Variants in TRIM24 observed in about 807,000 individuals in gnomAD.
TRIM24 encodes transcription intermediary factor 1-alpha.
Under a neutral mutation model 123.9 loss-of-function variants are expected in TRIM24, and 29 were observed. That is an observed-to-expected ratio of 0.23 (90% CI 0.17 to 0.32). The LOEUF is 0.32. Among genes scored for constraint, TRIM24 ranks in the 10% least tolerant of loss-of-function variants. TRIM24 has a pLI of 1.00. For synonymous variants in TRIM24, 456 were observed against 461.1 expected (o/e 0.99, Z 0.14); for missense variants, 932 against 1,295.3 (o/e 0.72, Z 4.31).
intron 1 of TRIM24, among the ~76,000 whole-genome samples, chr7:138,461,781 C>G (rs1794980200): frequency 6.6e-6 from 1 of 152,120 alleles, no homozygotes; most frequent in Admixed American, 6.5e-5. Flanking sequence ...AATATTTGAG[C>G]ACCTCCTTTT....
chr7:138,531,155 AG>A (rs1796723822), intron 6 of TRIM24, among the ~76,000 whole-genome samples: 1 of 147,736 alleles, frequency 6.8e-6, no homozygotes. Context: ...TTTAAGTTCT[AG>A]GGTACATGTG....
chr7:138,580,207 A>G (rs1797863799), intron 15 of TRIM24, among the ~76,000 whole-genome samples: 1 of 152,224 alleles, frequency 6.6e-6, no homozygotes, highest in African/African-American at 2.4e-5. Flanking sequence ...AGTAACAAGA[A>G]TAGTACAAAG....
At position 138,529,233 on chromosome 7, in the gene TRIM24, A is replaced by G; in HGVS notation, c.996+3A>G. ...AAGCTCTACTGCATCAGTTAGAGGTAAGTGACTGCCCATGGGATAGTATAT... is the reference window on the plus strand; with the variant it reads ...AAGCTCTACTGCATCAGTTAGAGGTGAGTGACTGCCCATGGGATAGTATAT... On this transcript the variant is annotated splice_donor_region_variant and intron_variant, in intron 6 of 18. Coordinates refer to ENST00000343526, the MANE Select transcript of TRIM24 (RefSeq NM_015905.3). 2 of 1,437,882 alleles carry G rather than the reference A, an allele frequency of 1.4e-6. No homozygotes were observed. The highest frequency in any genetic ancestry group is 2.3e-5 in the Admixed American group (1 of 44,220). The allele number at this position is 1,437,882 out of a possible 1,614,324, so 89.1% of individuals were successfully genotyped here.
At chr7:138,475,058 T>C (rs191433090) in intron 1 of TRIM24, among the ~76,000 whole-genome samples, 1 of 152,340 alleles carries the variant, frequency 6.6e-6, no homozygotes, top group Non-Finnish European at 1.5e-5. Flanking sequence ...TGTTAGAGAA[T>C]TAAGTTTCAG....
chr7:138,546,926 C>T (rs1225619904), intron 7 of TRIM24, among the ~76,000 whole-genome samples: 2 of 152,148 alleles, frequency 1.3e-5, no homozygotes, highest in African/African-American at 4.8e-5. Context: ...AGCAATCTCA[C>T]TTTTGGGTAT....
intron 6 of TRIM24, 127 bp from the exon 7 acceptor site, chr7:138,538,530 G>T: frequency 9.4e-7 from 1 of 1,067,286 alleles, no homozygotes; most frequent in Non-Finnish European, 1.3e-6. Flanking sequence ...GGAAAACAGA[G>T]TATTTTTAGT....
chr7:138,514,915 T>G, intron 2 of TRIM24: 1 of 244,132 alleles, frequency 4.1e-6, no homozygotes, highest in Non-Finnish European at 8.1e-6. Flanking sequence ...GCAGCGACCA[T>G]GTTTGCTTTT....
intron 1 of TRIM24, among the ~76,000 whole-genome samples, chr7:138,495,005 A>G (rs377075074): frequency 1.3e-5 from 2 of 152,224 alleles, no homozygotes; most frequent in East Asian, 1.9e-4. Flanking sequence ...TTATGGAGTG[A>G]TCACCAGGAT....
intron 1 of TRIM24, among the ~76,000 whole-genome samples, chr7:138,467,175 A>C (rs1324872773): frequency 6.6e-6 from 1 of 152,158 alleles, no homozygotes; most frequent in Non-Finnish European, 1.5e-5. Context: ...GAAATTTGAC[A>C]GTTTGTTCTT....
chr7:138,492,308 A>G (rs1248747821), intron 1 of TRIM24, among the ~76,000 whole-genome samples: 1 of 151,670 alleles, frequency 6.6e-6, no homozygotes, highest in African/African-American at 2.4e-5. Context: ...AGGGAAAGAA[A>G]ATAAATGTCT....
chr7:138,578,844 G>A (rs551794337), intron 14 of TRIM24, among the ~76,000 whole-genome samples: 26 of 151,880 alleles, frequency 1.7e-4, no homozygotes, highest in African/African-American at 6.3e-4. Flanking sequence ...CACCATCCTG[G>A]GCTTCAACAG....
At chr7:138,529,308 C>A in intron 6 of TRIM24, 78 bp downstream of exon 6, 1 of 719,622 alleles carries the variant, frequency 1.4e-6, no homozygotes, top group Non-Finnish European at 2.1e-6. Context: ...AATCATAGTG[C>A]TTTTTATATA....
chr7:138,489,965 C>G (rs565047031), intron 1 of TRIM24, among the ~76,000 whole-genome samples: 1 of 152,344 alleles, frequency 6.6e-6, no homozygotes, highest in Non-Finnish European at 1.5e-5. Flanking sequence ...TGGTTCCATT[C>G]TCCCCATCAC....
At position 138,586,769 on chromosome 7, in the gene TRIM24, A is replaced by G. The variant is rs1326331936; in HGVS notation, c.*1818A>G. 6.6e-6 allele frequency: 1 copy of G among 152,178 alleles called. No individual in the cohort carries two copies. The highest frequency in any genetic ancestry group is 1.5e-5 in the Non-Finnish European group (1 of 68,020). 9.4% of individuals were successfully genotyped at this position (152,178 alleles called of 1,614,324 possible). A position where few individuals can be genotyped will look rare whatever the true frequency, so the allele number is the denominator to read the frequency against. ...TTTTGCTGATAATTTTATTGTTGGT[A>G]TCTTAGAATACTGTTCGTCTGACAG... On this transcript the variant is annotated 3_prime_UTR_variant, in exon 19 of 19. Transcript: ENST00000343526.
At chr7:138,508,692 T>TGTGTGTGTGTGTGCGCGCGCGCGC (rs1422176564) in intron 2 of TRIM24, among the ~76,000 whole-genome samples, 3 of 137,214 alleles carry the variant, frequency 2.2e-5, no homozygotes, top group African/African-American at 8.3e-5. Context: ...TGTGTGTGTG[T>TGTGTGTGTGTGTGCGCGCGCGCGC]GCGCGCGCGT....
chr7:138,553,317 A>G (rs1313116871), intron 8 of TRIM24, among the ~76,000 whole-genome samples: 2 of 152,162 alleles, frequency 1.3e-5, no homozygotes, highest in Non-Finnish European at 2.9e-5. Flanking sequence ...ATATTTTGTT[A>G]CTGTCTTGAG....
intron 1 of TRIM24, among the ~76,000 whole-genome samples, chr7:138,468,200 A>T (rs1795193350): frequency 6.6e-6 from 1 of 152,196 alleles, no homozygotes; most frequent in African/African-American, 2.4e-5. Flanking sequence ...GAGAATTTTT[A>T]TTATGAATGG....
At chr7:138,532,944 G>T (rs1796779971) in intron 6 of TRIM24, among the ~76,000 whole-genome samples, 1 of 152,158 alleles carries the variant, frequency 6.6e-6, no homozygotes, top group Non-Finnish European at 1.5e-5. Context: ...TTGTAAGTGG[G>T]ATTCCTAGGT....
chr7:138,578,299 A>G (rs112297144), intron 14 of TRIM24, among the ~76,000 whole-genome samples: 3,035 of 152,314 alleles, frequency 0.02, 106 homozygotes, highest in African/African-American at 0.069. Flanking sequence ...TGATGTAAAC[A>G]AACACCTGAG....
Sources: gnomAD v4.1 joint callset for allele counts (sites outside exome capture counted in the v4.1 genomes callset) on GRCh38, gnomAD v4.1.1 for gene constraint, MANE v1.5 for transcripts, NCBI Gene and HGNC (gene_info 2026-07-23, HGNC 2026-07-21) for gene names.